Variants in LRMDA observed in about 807,000 individuals in gnomAD.
The protein encoded by LRMDA is leucine-rich melanocyte differentiation-associated protein.
Under a neutral mutation model 29.8 loss-of-function variants are expected in LRMDA, and 18 were observed. The observed-to-expected ratio is 0.60, with a 90% confidence interval of 0.42 to 0.90. The LOEUF (loss-of-function observed/expected upper bound fraction) is 0.90. Ranked by LOEUF, LRMDA falls within the 40% of genes least tolerant of loss-of-function variation. The pLI, the probability that LRMDA is intolerant of heterozygous loss-of-function variation, is 0.00. For synonymous variants in LRMDA, 125 were observed against 109.4 expected (o/e 1.14, Z -0.89); for missense variants, 273 against 273.9 (o/e 1.00, Z 0.02).
chr10:75,504,555 C>A (rs1203540704), intron 2 of LRMDA, among the ~76,000 whole-genome samples: 2 of 152,142 alleles, frequency 1.3e-5, no homozygotes. Context: ...AGGATAAATG[C>A]ATGTAATAAC....
chr10:76,242,326 C>T (rs942307623), intron 5 of LRMDA: 13 of 152,236 alleles, frequency 8.5e-5, no homozygotes, highest in African/African-American at 3.1e-4. Context: ...GTTAGGATTG[C>T]CATAACAAAG....
intron 5 of LRMDA, among the ~76,000 whole-genome samples, chr10:76,229,721 G>A (rs1852025198): frequency 6.6e-6 from 1 of 152,106 alleles, no homozygotes; most frequent in Non-Finnish European, 1.5e-5. Flanking sequence ...TCTCTTCCGA[G>A]CCCGTGTCTT....
intron 6 of LRMDA, among the ~76,000 whole-genome samples, chr10:76,362,087 T>G (rs1008643357): frequency 6.6e-6 from 1 of 152,202 alleles, no homozygotes; most frequent in Non-Finnish European, 1.5e-5. Context: ...ACCCTGTGCT[T>G]GAAGGCTTGC....
chr10:75,883,863 G>A (rs1845334262), intron 2 of LRMDA, among the ~76,000 whole-genome samples: 2 of 151,182 alleles, frequency 1.3e-5, no homozygotes, highest in Admixed American at 1.3e-4. Context: ...TTCTGTTAGT[G>A]GGAATGGTGA....
chr10:75,937,544 T>TA (rs1174771776), intron 2 of LRMDA, among the ~76,000 whole-genome samples: 6 of 152,194 alleles, frequency 3.9e-5, no homozygotes, highest in Non-Finnish European at 5.9e-5. Flanking sequence ...CTGCCCCCCG[T>TA]AACTCAAGCA....
intron 2 of LRMDA, among the ~76,000 whole-genome samples, chr10:75,554,609 G>A (rs577656351): frequency 6.6e-6 from 1 of 152,294 alleles, no homozygotes; most frequent in South Asian, 2.1e-4. Flanking sequence ...GTAATTATAA[G>A]GTGGCAGACT....
chr10:75,557,443 G>A (rs1840229253), intron 2 of LRMDA, among the ~76,000 whole-genome samples: 1 of 152,124 alleles, frequency 6.6e-6, no homozygotes, highest in African/African-American at 2.4e-5. Flanking sequence ...TTTTCAGGGA[G>A]GTTAAAATGG....
intron 5 of LRMDA, among the ~76,000 whole-genome samples, chr10:76,144,015 T>C (rs914286196): frequency 1.4e-4 from 21 of 152,192 alleles, no homozygotes; most frequent in African/African-American, 5.1e-4. Context: ...CATGCGGCAT[T>C]ATTTCTGAGG....
At chr10:76,002,255 C>T (rs1847574905) in intron 2 of LRMDA, among the ~76,000 whole-genome samples, 1 of 152,206 alleles carries the variant, frequency 6.6e-6, no homozygotes, top group African/African-American at 2.4e-5. Context: ...CATCTAACCC[C>T]AATTCTCTCC....
At chr10:75,542,805 G>A (rs1028893205) in intron 2 of LRMDA, among the ~76,000 whole-genome samples, 3 of 152,180 alleles carry the variant, frequency 2.0e-5, no homozygotes, top group Non-Finnish European at 4.4e-5. Flanking sequence ...AGAAATCAAA[G>A]AAATTTCAAG....
At chr10:75,612,267 T>A (rs1841042384) in intron 2 of LRMDA, among the ~76,000 whole-genome samples, 1 of 152,228 alleles carries the variant, frequency 6.6e-6, no homozygotes, top group Non-Finnish European at 1.5e-5. Flanking sequence ...TGGTTGAATG[T>A]GCTCTGAACC....
At chr10:75,551,598 C>T (rs1193782922) in intron 2 of LRMDA, among the ~76,000 whole-genome samples, 1 of 151,604 alleles carries the variant, frequency 6.6e-6, no homozygotes, top group Non-Finnish European at 1.5e-5. Context: ...GTTTTCTGTT[C>T]TTGTGTTACT....
intron 2 of LRMDA, among the ~76,000 whole-genome samples, chr10:75,637,523 T>C (rs953470553): frequency 2.0e-5 from 3 of 152,118 alleles, no homozygotes; most frequent in Non-Finnish European, 2.9e-5. Flanking sequence ...AATCTCTTAC[T>C]GGCTGTCCTC....
chr10:76,037,097 A>G (rs1349393907), intron 3 of LRMDA, among the ~76,000 whole-genome samples: 1 of 152,188 alleles, frequency 6.6e-6, no homozygotes. Context: ...AAGCCCTGTG[A>G]GAAGGGTGTG....
At chr10:76,062,802 G>GA (rs1324054335) in intron 5 of LRMDA, among the ~76,000 whole-genome samples, 2 of 151,894 alleles carry the variant, frequency 1.3e-5, no homozygotes, top group Non-Finnish European at 2.9e-5. Context: ...TCATGCCATT[G>GA]TTAATACAGA....
chr10:76,301,775 G>A, intron 5 of LRMDA, among the ~76,000 whole-genome samples: 1 of 152,160 alleles, frequency 6.6e-6, no homozygotes. Flanking sequence ...AGCTATATGG[G>A]ATAATAAAAA....
intron 6 of LRMDA, among the ~76,000 whole-genome samples, chr10:76,344,953 C>G (rs1003826191): frequency 6.8e-6 from 1 of 147,014 alleles, no homozygotes; most frequent in Non-Finnish European, 1.5e-5. Context: ...TAAGATAACT[C>G]ATAATTCAGA....
intron 2 of LRMDA, among the ~76,000 whole-genome samples, chr10:75,575,864 C>T (rs563939978): frequency 1.8e-4 from 27 of 149,962 alleles, no homozygotes; most frequent in Admixed American, 1.7e-3. Context: ...TTTCACAACC[C>T]ACAGACCAGG....
At chr10:76,435,860 T>A (rs1359864992) in intron 6 of LRMDA, among the ~76,000 whole-genome samples, 1 of 152,220 alleles carries the variant, frequency 6.6e-6, no homozygotes, top group African/African-American at 2.4e-5. Flanking sequence ...CTAACACTTA[T>A]CTTTCTGGCA....
Sources: gnomAD v4.1 joint callset for allele counts (sites outside exome capture counted in the v4.1 genomes callset) on GRCh38, gnomAD v4.1.1 for gene constraint, MANE v1.5 for transcripts, NCBI Gene and HGNC (gene_info 2026-07-23, HGNC 2026-07-21) for gene names.